PCDHGB2: variants seen among roughly 807,000 people sequenced by gnomAD.
The protein encoded by PCDHGB2 is protocadherin gamma-B2.
Under a neutral mutation model 59.3 loss-of-function variants are expected in PCDHGB2, and 55 were observed. The ratio of observed to expected loss-of-function variants is 0.93; its 90% CI spans 0.75 to 1.16. The LOEUF (loss-of-function observed/expected upper bound fraction) is 1.16. Ranked by LOEUF, PCDHGB2 falls within the 50% of genes most tolerant of loss-of-function variation. The pLI is 0.00. For missense variants in PCDHGB2, 1,228 were observed against 1,198.5 expected, an observed-to-expected ratio of 1.02 and a Z score of -0.36; for synonymous variants, 516 against 512.0, an observed-to-expected ratio of 1.01 and a Z score of -0.11.
chr5:141,388,404 C>T, intron 1 of PCDHGB2: 1 of 1,613,952 alleles, frequency 6.2e-7, no homozygotes, highest in Non-Finnish European at 8.5e-7. Context: ...CCAACTCAGT[C>T]CCAGTGATCA....
chr5:141,453,524 C>T (rs1351750021), intron 1 of PCDHGB2, among the ~76,000 whole-genome samples: 1 of 152,060 alleles, frequency 6.6e-6, no homozygotes, highest in Non-Finnish European at 1.5e-5. Flanking sequence ...TCCCCTATAC[C>T]TTCTGCCTCA....
chr5:141,364,427 T>A, intron 1 of PCDHGB2: 1 of 1,613,768 alleles, frequency 6.2e-7, no homozygotes, highest in Non-Finnish European at 8.5e-7. Flanking sequence ...GCAGATCCGC[T>A]ACTCGATGCC....
chr5:141,501,664 TATAG>T (rs1161034391), intron 2 of PCDHGB2, among the ~76,000 whole-genome samples: 1 of 152,064 alleles, frequency 6.6e-6, no homozygotes, highest in East Asian at 1.9e-4. Flanking sequence ...TGTTGGAAAA[TATAG>T]ATAATCACAA....
At chr5:141,365,469 G>T (rs1162637484) in intron 1 of PCDHGB2, 1 of 1,614,010 alleles carries the variant, frequency 6.2e-7, no homozygotes, top group South Asian at 1.1e-5. Flanking sequence ...GGAGAAAATG[G>T]TGAGATTGCA....
At chr5:141,419,642 G>A (rs376762490) in intron 1 of PCDHGB2, 1 of 1,612,412 alleles carries the variant, frequency 6.2e-7, no homozygotes, top group African/African-American at 1.3e-5. Context: ...GGTGGCCGTG[G>A]ACGCGGACTC....
intron 1 of PCDHGB2, among the ~76,000 whole-genome samples, chr5:141,462,288 G>A (rs1239615759): frequency 3.9e-5 from 6 of 152,196 alleles, no homozygotes; most frequent in Non-Finnish European, 7.3e-5. Flanking sequence ...CACCAAATAT[G>A]TAAGTATTAC....
chr5:141,469,552 C>G (rs956606902), intron 1 of PCDHGB2, among the ~76,000 whole-genome samples: 1 of 151,910 alleles, frequency 6.6e-6, no homozygotes, highest in African/African-American at 2.4e-5. Context: ...TCCAGCCTGG[C>G]GACAGAGTGA....
At chr5:141,463,526 A>G (rs989086820) in intron 1 of PCDHGB2, among the ~76,000 whole-genome samples, 1 of 131,914 alleles carries the variant, frequency 7.6e-6, no homozygotes, top group Non-Finnish European at 1.5e-5. Flanking sequence ...TCGGCTTACT[A>G]GAAACTCCGG....
Position 141,360,552 on chromosome 5 carries a change from T to C in PCDHGB2, c.417T>C (p.Asn139=), listed in dbSNP as rs373703966. 24 of 1,613,850 alleles carry C rather than the reference T, an allele frequency of 1.5e-5. No individual in the cohort carries two copies. In the African/African-American group the frequency reaches 2.8e-4, roughly 19 times the overall value. ...NTPLFKQTKI[N]LKIGESTKPG... is the part of the protein sequence containing the mutation. Reference sequence around the variant, plus strand: ...CGCTATTCAAACAGACTAAGATTAATTTAAAAATTGGCGAATCCACTAAGC... The same window carrying C: ...CGCTATTCAAACAGACTAAGATTAACTTAAAAATTGGCGAATCCACTAAGC... Residue 139 remains asparagine, a synonymous_variant, in exon 1 of 4, where the codon AAT becomes AAC. Transcript: ENST00000522605.
In PCDHGB2 at chr5:141,489,835, C is replaced by G; in HGVS notation, c.2422-4972C>G. On this transcript the variant is annotated intron_variant, in intron 1 of 3. Transcript: ENST00000522605. This position sits in a 1 kb window ranked among gnomAD's most constrained non-coding sequence, Gnocchi z 4.5. Reference sequence around the variant, plus strand: ...ATTCCCAGAGCTGGTGCTAGAGCAGCAGCTGGATCGTGAAGCCCAGGCAAG... The same window carrying G: ...ATTCCCAGAGCTGGTGCTAGAGCAGGAGCTGGATCGTGAAGCCCAGGCAAG... The G allele has an allele frequency of 6.2e-7, 1 of 1,614,164 alleles. No homozygotes were observed. Among genetic ancestry groups the G allele is most frequent in the Non-Finnish European group, 8.5e-7 (1 of 1,179,972 alleles).
At chr5:141,406,446 C>T (rs1292880739) in intron 1 of PCDHGB2, among the ~76,000 whole-genome samples, 1 of 152,200 alleles carries the variant, frequency 6.6e-6, no homozygotes, top group Non-Finnish European at 1.5e-5. Flanking sequence ...TCTTCCATTT[C>T]TATGACAGGA....
chr5:141,404,132 T>C, intron 1 of PCDHGB2: 1 of 1,613,136 alleles, frequency 6.2e-7, no homozygotes, highest in Non-Finnish European at 8.5e-7. Context: ...ATCTTTTACA[T>C]TAGAAAATTC....
intron 1 of PCDHGB2, chr5:141,388,238 C>G (rs546808390): frequency 3.7e-6 from 6 of 1,607,696 alleles, no homozygotes; most frequent in Non-Finnish European, 5.1e-6. Context: ...ACTTTTATCA[C>G]GTGAATGTGG....
chr5:141,400,027 GC>G (rs746080003), intron 1 of PCDHGB2: 8 of 1,612,664 alleles, frequency 5.0e-6, no homozygotes, highest in Admixed American at 1.7e-5. Flanking sequence ...CAGGGACGCG[GC>G]CCGCCAGCGC....
At chr5:141,438,621 T>C (rs1164140266) in intron 1 of PCDHGB2, among the ~76,000 whole-genome samples, 4 of 41,368 alleles carry the variant, frequency 9.7e-5, no homozygotes, top group Admixed American at 3.5e-4. Flanking sequence ...TATATATATA[T>C]ATATATATAT....
At position 141,486,791 on chromosome 5, in the gene PCDHGB2, C is replaced by T. The variant is rs766519569; in HGVS notation, c.2422-8016C>T. 1.8e-5 allele frequency: 29 copies of T among 1,614,108 alleles called. No homozygotes were observed. The highest frequency in any genetic ancestry group is 2.2e-5 in the Non-Finnish European group (26 of 1,180,054). On this transcript the variant is annotated intron_variant, in intron 1 of 3. Coordinates refer to ENST00000522605, the MANE Select transcript of PCDHGB2 (RefSeq NM_018923.3). The surrounding 1 kb of genome is among the most constrained non-coding windows in gnomAD (Gnocchi z 5.0). ...GCAGTTTGAGGTGCAGGCCCGGGAT[C>T]GGGGCAACCCACCCCTTAGCAGCAC...
Position 141,491,547 on chromosome 5 carries a change from G to A in PCDHGB2, c.2422-3260G>A. On this transcript the variant is annotated intron_variant, in intron 1 of 3. Transcript: ENST00000522605. This position sits in a 1 kb window ranked among gnomAD's most constrained non-coding sequence, Gnocchi z 6.9. ...AGGTGACGCTGCGGCCCACAGACTC[G>A]CAGAGCCACTGCTACAGGACGTGCT... is the stretch of plus-strand genomic sequence containing the variant. The A allele has an allele frequency of 4.3e-6, 7 of 1,613,974 alleles. No individual in the cohort carries two copies. The highest frequency in any genetic ancestry group is 5.9e-6 in the Non-Finnish European group (7 of 1,180,022).
chr5:141,491,071 C>A lies in PCDHGB2; in HGVS notation c.2422-3736C>A, dbSNP rs987564933. ...TGCGTGGCTCTCCTACTCACTGTTG[C>A]CACAGTCCACAGCCCCAGGACTGTT... On this transcript the variant is annotated intron_variant, in intron 1 of 3. Transcript: ENST00000522605. This position sits in a 1 kb window ranked among gnomAD's most constrained non-coding sequence, Gnocchi z 6.9. 2 of 1,614,034 alleles carry A rather than the reference C, an allele frequency of 1.2e-6. No individual in the cohort carries two copies. The highest frequency in any genetic ancestry group is 1.7e-6 in the Non-Finnish European group (2 of 1,180,036).
chr5:141,429,389 A>ATTT (rs1561841246), intron 1 of PCDHGB2, among the ~76,000 whole-genome samples: 155 of 147,652 alleles, frequency 1.0e-3, no homozygotes, highest in African/African-American at 3.7e-3. Flanking sequence ...TTTTTTTTTA[A>ATTT]AAAAAATTGA....
Sources: allele counts gnomAD v4.1 joint callset (sites outside exome capture counted in the v4.1 genomes callset), GRCh38; gene constraint gnomAD v4.1.1; non-coding constraint Gnocchi (gnomAD v3.1); transcripts MANE v1.5; gene names NCBI Gene and HGNC (gene_info 2026-07-23, HGNC 2026-07-21).